The following ZBTB20 variants were observed in gnomAD, a reference collection of about 807,000 sequenced individuals.
The protein encoded by ZBTB20 is zinc finger and BTB domain-containing protein 20.
ZBTB20 carries 9 observed loss-of-function variants against 56.9 expected under a neutral mutation model. The observed-to-expected ratio is 0.16, with a 90% CI of 0.10 to 0.28. ZBTB20 has a LOEUF of 0.28. Among genes scored for constraint, ZBTB20 ranks in the 10% least tolerant of loss-of-function variants. The probability of loss-of-function intolerance (pLI) is 1.00; values close to 1 mark genes in which losing one functional copy is unlikely to be tolerated. For synonymous variants in ZBTB20, 417 were observed against 420.7 expected (o/e 0.99, Z 0.11); for missense variants, 655 against 1,003.0 (o/e 0.65, Z 4.69).
chr3:114,522,474 T>G (rs1295327482), intron 6 of ZBTB20, among the ~76,000 whole-genome samples: 1 of 152,216 alleles, frequency 6.6e-6, no homozygotes, highest in African/African-American at 2.4e-5. Flanking sequence ...TAGAGAGTTC[T>G]GAGCAGAGAA....
At chr3:115,051,250 T>C (rs2081536815) in intron 2 of ZBTB20, among the ~76,000 whole-genome samples, 1 of 152,066 alleles carries the variant, frequency 6.6e-6, no homozygotes, top group Non-Finnish European at 1.5e-5. Context: ...ACAATTCCGT[T>C]TTCATATTAC....
At chr3:114,368,411 T>TGAAGGCATATC (rs1268847705) in intron 10 of ZBTB20, among the ~76,000 whole-genome samples, 1 of 152,182 alleles carries the variant, frequency 6.6e-6, no homozygotes, top group East Asian at 1.9e-4. Context: ...GCCCCCACCC[T>TGAAGGCATATC]GAAGGCATAT....
At chr3:114,604,869 A>G (rs1288631190) in intron 6 of ZBTB20, among the ~76,000 whole-genome samples, 1 of 152,122 alleles carries the variant, frequency 6.6e-6, no homozygotes, top group Non-Finnish European at 1.5e-5. Flanking sequence ...AATCCCTTTA[A>G]AAGCCTAGGA....
At chr3:114,866,097 T>A (rs78984289) in intron 4 of ZBTB20, among the ~76,000 whole-genome samples, 3,641 of 152,272 alleles carry the variant, frequency 0.024, 51 homozygotes, top group South Asian at 0.051. Flanking sequence ...TACATGACCT[T>A]GGGCAAAGAT....
intron 6 of ZBTB20, among the ~76,000 whole-genome samples, chr3:114,639,888 T>C (rs2059465556): frequency 1.3e-5 from 2 of 152,026 alleles, no homozygotes; most frequent in African/African-American, 4.8e-5. Flanking sequence ...TTCTCATAAA[T>C]ATTATCTGTT....
intron 2 of ZBTB20, among the ~76,000 whole-genome samples, chr3:115,067,296 C>T (rs1173177315): frequency 1.3e-5 from 2 of 151,760 alleles, no homozygotes. Context: ...CCCACAAACC[C>T]GGGAAGCAAT....
chr3:114,438,435 C>CAAAAAAAAA (rs1559789518), intron 7 of ZBTB20, among the ~76,000 whole-genome samples: 1 of 145,524 alleles, frequency 6.9e-6, no homozygotes, highest in Admixed American at 6.9e-5. Flanking sequence ...ACAAAAAAAA[C>CAAAAAAAAA]CAAAAAAAAA....
At chr3:114,997,184 T>A (rs1233123546) in intron 2 of ZBTB20, among the ~76,000 whole-genome samples, 1 of 151,826 alleles carries the variant, frequency 6.6e-6, no homozygotes, top group Non-Finnish European at 1.5e-5. Context: ...AGTATCACCA[T>A]GTTTTTGGTA....
At chr3:114,401,278 C>T (rs2086804504) in intron 7 of ZBTB20, among the ~76,000 whole-genome samples, 1 of 152,096 alleles carries the variant, frequency 6.6e-6, no homozygotes, top group Admixed American at 6.6e-5. Flanking sequence ...GTTTAATAAA[C>T]TGTAGAAAAC....
intron 6 of ZBTB20, among the ~76,000 whole-genome samples, chr3:114,524,274 G>A (rs1054335004): frequency 1.3e-5 from 2 of 152,144 alleles, no homozygotes; most frequent in Non-Finnish European, 2.9e-5. Context: ...TGGAATGCTT[G>A]AAATTGAGAT....
intron 1 of ZBTB20, among the ~76,000 whole-genome samples, chr3:115,082,557 A>G (rs971768385): frequency 1.3e-5 from 2 of 152,180 alleles, no homozygotes; most frequent in African/African-American, 4.8e-5. Context: ...ACATATGGAC[A>G]AACGGACGGG....
chr3:114,606,477 T>C (rs1468468913), intron 6 of ZBTB20, among the ~76,000 whole-genome samples: 1 of 152,110 alleles, frequency 6.6e-6, no homozygotes, highest in Non-Finnish European at 1.5e-5. Context: ...CTGAGTTCAG[T>C]CATGTAACAT....
intron 1 of ZBTB20, among the ~76,000 whole-genome samples, chr3:115,122,724 G>C (rs2084218331): frequency 6.6e-6 from 1 of 151,756 alleles, no homozygotes; most frequent in African/African-American, 2.4e-5. Context: ...TCCTAAAATG[G>C]CTACACATCC....
chr3:114,636,148 AAAC>A (rs895083474), intron 6 of ZBTB20, among the ~76,000 whole-genome samples: 9 of 152,172 alleles, frequency 5.9e-5, no homozygotes, highest in Non-Finnish European at 1.3e-4. Flanking sequence ...GAAGATCAAA[AAAC>A]AACAACAACC....
At chr3:114,353,822 AT>A (rs1331148278) in intron 10 of ZBTB20, among the ~76,000 whole-genome samples, 2 of 152,204 alleles carry the variant, frequency 1.3e-5, no homozygotes, top group Non-Finnish European at 2.9e-5. Context: ...AGTAGATGAT[AT>A]TATTCCCATT....
intron 4 of ZBTB20, among the ~76,000 whole-genome samples, chr3:114,887,631 G>C (rs1162805905): frequency 2.0e-5 from 3 of 152,142 alleles, no homozygotes. Context: ...GGAAGAGCCA[G>C]GGAAAGATTT....
intron 6 of ZBTB20, among the ~76,000 whole-genome samples, chr3:114,568,249 G>T (rs560443787): frequency 6.6e-6 from 1 of 152,112 alleles, no homozygotes; most frequent in Non-Finnish European, 1.5e-5. Flanking sequence ...TGAAGTATGC[G>T]CAAGAAAATC....
At chr3:114,869,322 A>G (rs1417359475) in intron 4 of ZBTB20, among the ~76,000 whole-genome samples, 2 of 152,234 alleles carry the variant, frequency 1.3e-5, no homozygotes, top group Admixed American at 6.5e-5. Context: ...TTCATTCCCA[A>G]TATTAAAATA....
At chr3:114,578,519 G>GA (rs2054321181) in intron 6 of ZBTB20, among the ~76,000 whole-genome samples, 1 of 151,852 alleles carries the variant, frequency 6.6e-6, no homozygotes, top group Non-Finnish European at 1.5e-5. Context: ...ACATTTCAGA[G>GA]AAACTACAAG....
Sources: allele counts gnomAD v4.1 joint callset (sites outside exome capture counted in the v4.1 genomes callset), GRCh38; gene constraint gnomAD v4.1.1; transcripts MANE v1.5; gene names NCBI Gene and HGNC (gene_info 2026-07-23, HGNC 2026-07-21).